Variants in MALAT1 observed in about 807,000 individuals in gnomAD.
The protein encoded by MALAT1 is hepcarcin.
chr11:65,502,701 G>C (rs1370849725), exon 3 of MALAT1: 1 of 508,316 alleles, frequency 2.0e-6, no homozygotes. Flanking sequence ...TAGATGCAGA[G>C]AAAACAGCTC....
exon 3 of MALAT1, chr11:65,500,825 A>G: frequency 1.9e-6 from 1 of 518,892 alleles, no homozygotes. Context: ...GTAACCTTTT[A>G]TTTATTTTCT....
intron 1 of MALAT1, chr11:65,498,635 T>C (rs374052013): frequency 5.8e-6 from 3 of 518,518 alleles, no homozygotes; most frequent in African/African-American, 3.9e-5. Flanking sequence ...AGTTGCGTAA[T>C]GGAAAGTAAA....
rs753740765 is a variant in MALAT1 at position 65,505,768 on chromosome 11, C to T, written n.5169-492C>T. 12 of 518,534 alleles carry T rather than the reference C, an allele frequency of 2.3e-5. No homozygotes were observed. In the East Asian group the frequency reaches 5.4e-4, roughly 24 times the overall value. The allele number at this position is 518,534 out of a possible 1,614,324, so 32.1% of individuals were successfully genotyped here. A position where few individuals can be genotyped will look rare whatever the true frequency, so the allele number is the denominator to read the frequency against. On this transcript the variant is annotated intron_variant and non_coding_transcript_variant, in intron 3 of 3. Transcript: ENST00000619449. ...GGGTATTAAAACCACAGCTAAGTAG[C>T]TCTATTATAATACTTATCCAGTGAC...
chr11:65,505,259 C>T, intron 3 of MALAT1: 1 of 518,432 alleles, frequency 1.9e-6, no homozygotes, highest in African/African-American at 1.9e-5. Context: ...GGAGAGACAA[C>T]AAAGCGCTAT....
exon 3 of MALAT1, chr11:65,501,104 T>C (rs1248780062): frequency 3.9e-6 from 2 of 515,976 alleles, no homozygotes; most frequent in South Asian, 2.8e-5. Context: ...GTATGTTTAG[T>C]TGGGGTAATG....
intron 3 of MALAT1, chr11:65,504,895 A>G (rs1201347360): frequency 1.9e-6 from 1 of 518,918 alleles, no homozygotes; most frequent in South Asian, 1.4e-5. Context: ...TATTTACTTT[A>G]AATAAACCAA....
exon 3 of MALAT1, chr11:65,499,741 T>C (rs1357368578): frequency 1.2e-5 from 5 of 431,522 alleles, no homozygotes; most frequent in Non-Finnish European, 1.8e-5. Flanking sequence ...AACATACTTT[T>C]AGAAGAAAAA....
exon 3 of MALAT1, chr11:65,503,535 C>G (rs1363447705): frequency 3.9e-6 from 2 of 518,524 alleles, no homozygotes; most frequent in Admixed American, 1.9e-5. Flanking sequence ...CTGTTAGAAT[C>G]AGATGTTACT....
At chr11:65,500,240 C>T (rs1854511067) in exon 3 of MALAT1, 1 of 517,876 alleles carries the variant, frequency 1.9e-6, no homozygotes, top group South Asian at 1.4e-5. Flanking sequence ...TTTGGAAGGC[C>T]TTAAATATAG....
intron 3 of MALAT1, chr11:65,504,185 C>G (rs1369261963): frequency 1.9e-6 from 1 of 516,278 alleles, no homozygotes; most frequent in South Asian, 1.4e-5. Flanking sequence ...CATATGAGTG[C>G]TTGGCTCTTC....
At chr11:65,498,041 T>C in intron 1 of MALAT1, 1 of 518,948 alleles carries the variant, frequency 1.9e-6, no homozygotes, top group Non-Finnish European at 3.8e-6. Context: ...AAAGCTTTTA[T>C]TTTTCTTCCT....
intron 3 of MALAT1, chr11:65,504,529 A>T: frequency 1.9e-6 from 1 of 518,888 alleles, no homozygotes; most frequent in South Asian, 1.4e-5. Flanking sequence ...TGTTGAGGAA[A>T]TTTCTGCAGT....
chr11:65,497,910 C>T (rs1313224839), intron 1 of MALAT1: 4 of 518,666 alleles, frequency 7.7e-6, no homozygotes, highest in Admixed American at 1.9e-5. Context: ...TTCCCAGAGT[C>T]CTTGGGACGC....
exon 3 of MALAT1, chr11:65,499,672 G>A (rs1451835934): frequency 2.3e-6 from 1 of 435,430 alleles, no homozygotes; most frequent in African/African-American, 2.1e-5. Context: ...AAAACTGGAA[G>A]ACAGAAGTAC....
At chr11:65,505,088 T>C (rs1271532906) in intron 3 of MALAT1, 1 of 518,924 alleles carries the variant, frequency 1.9e-6, no homozygotes, top group African/African-American at 1.9e-5. Context: ...TTGAATAGAT[T>C]TCAGCTTTAT....
exon 3 of MALAT1, chr11:65,500,799 C>G (rs374225168): frequency 7.7e-6 from 4 of 518,738 alleles, no homozygotes; most frequent in African/African-American, 1.9e-5. Context: ...TGTTGTTTTT[C>G]TGGAACTTAC....
exon 3 of MALAT1, chr11:65,499,587 A>G (rs1240489745): frequency 2.2e-6 from 1 of 453,128 alleles, no homozygotes; most frequent in Non-Finnish European, 4.4e-6. Context: ...CATTTACTAA[A>G]CGCAGACGAA....
chr11:65,501,334 C>T, exon 3 of MALAT1: 1 of 518,574 alleles, frequency 1.9e-6, no homozygotes, highest in Non-Finnish European at 3.8e-6. Flanking sequence ...ACAAGAAAAT[C>T]CAATATCAGG....
intron 1 of MALAT1, chr11:65,498,036 TTTTA>T: frequency 1.9e-6 from 1 of 518,938 alleles, no homozygotes; most frequent in Non-Finnish European, 3.8e-6. Flanking sequence ...GGAGGAAAGC[TTTTA>T]TTTTTCTTCC....
Sources: allele counts gnomAD v4.1 joint callset, GRCh38; gene constraint gnomAD v4.1.1; transcripts MANE v1.5; gene names NCBI Gene and HGNC (gene_info 2026-07-23, HGNC 2026-07-21).